ATP4A: variants seen among roughly 807,000 people sequenced by gnomAD.
ATP4A encodes the protein ATPase H+/K+ transporting subunit alpha.
In ATP4A, 73 loss-of-function variants were observed where a neutral mutation model predicts 112.1. The ratio of observed to expected loss-of-function variants is 0.65; its 90% CI spans 0.54 to 0.79. The LOEUF (loss-of-function observed/expected upper bound fraction) is 0.79, where lower values mean the gene tolerates loss of function less well. Ranked by LOEUF, ATP4A falls within the 30% of genes least tolerant of loss-of-function variation. The pLI, the probability that ATP4A is intolerant of heterozygous loss-of-function variation, is 0.00. For synonymous variants in ATP4A, 588 were observed against 588.9 expected (o/e 1.00, Z 0.02); for missense variants, 1,081 against 1,425.9 (o/e 0.76, Z 3.90).
At chr19:35,561,317 C>T (rs955697628) in intron 4 of ATP4A, among the ~76,000 whole-genome samples, 2 of 152,084 alleles carry the variant, frequency 1.3e-5, no homozygotes, top group African/African-American at 4.8e-5. Context: ...CTCCTGTCCC[C>T]ATGGCCTGTA....
chr19:35,559,180 G>A lies in ATP4A; in HGVS notation c.1068C>T (p.Ser356=), dbSNP rs1269407415. The change falls in exon 8 of 22, where the codon TCC becomes TCT. Residue 356 remains serine, a synonymous_variant. Coordinates refer to ENST00000262623, the MANE Select transcript of ATP4A (RefSeq NM_000704.3). The surrounding 1 kb of genome is among the most constrained non-coding windows in gnomAD (Gnocchi z 4.1). ...GLLATVTVCL[S]LTAKRLASKN... is the part of the protein sequence containing the mutation. ...TACTGGCCAGGCGCTTGGCTGTCAG[G>A]GACAGGCAGACCTGGGGAAGGGGTG... 4 of 1,613,842 alleles carry A rather than the reference G, an allele frequency of 2.5e-6. No individual in the cohort carries two copies. Among genetic ancestry groups the A allele is most frequent in the African/African-American group, 1.3e-5 (1 of 74,926 alleles).
At chr19:35,552,132 C>T (rs1054299517) in intron 18 of ATP4A, among the ~76,000 whole-genome samples, 3 of 152,118 alleles carry the variant, frequency 2.0e-5, no homozygotes, top group African/African-American at 7.2e-5. Flanking sequence ...CTGCAACTTC[C>T]GAATCCCAGG....
Position 35,560,663 on chromosome 19 carries a change from G to GGGGGGGGGC in ATP4A, c.535-49_535-48insGCCCCCCCC. 1 of 883,958 alleles carries GGGGGGGGGC rather than the reference G, an allele frequency of 1.1e-6. No homozygotes were observed. Among genetic ancestry groups the GGGGGGGGGC allele is most frequent in the Non-Finnish European group, 1.8e-6 (1 of 561,720 alleles). The allele number at this position is 883,958 out of a possible 1,614,324, so 54.8% of individuals were successfully genotyped here. A position where few individuals can be genotyped will look rare whatever the true frequency, so the allele number is the denominator to read the frequency against. On this transcript the variant is annotated intron_variant, in intron 5 of 21. Transcript: ENST00000262623. This position sits in a 1 kb window ranked among gnomAD's most constrained non-coding sequence, Gnocchi z 5.1. ...TTGAGGTGGACGGGGGTGGGGGTGG[G>GGGGGGGGGC]AGCTGCTGCATGTGGGGAGGTAAAG... is the stretch of plus-strand genomic sequence containing the variant.
At position 35,563,457 on chromosome 19, in the gene ATP4A, T is replaced by C. The variant is rs779215224; in HGVS notation, c.83A>G (p.Lys28Arg). ...ACCCCCGCCACCCGCCTTCTTCTTCTTGCTCATCTTGGCAGCCATGTCCCC... is the reference window on the plus strand; with the variant it reads ...ACCCCCGCCACCCGCCTTCTTCTTCCTGCTCATCTTGGCAGCCATGTCCCC... Reference protein sequence around the residue: ...PGGDMAAKMSKKKKAGGGGGK... With the variant: ...PGGDMAAKMSRKKKAGGGGGK... The change falls in exon 2 of 22, where the codon AAG (lysine) becomes AGG (arginine). Residue 28 changes from lysine (K) to arginine (R), a missense_variant. By Grantham distance (26) the Lys-to-Arg change is conservative. Around this residue, in one of 3 missense-constraint regions of ATP4A, gnomAD observed 850 missense variants for 1,068.2 expected, o/e 0.80. Coordinates refer to ENST00000262623, the MANE Select transcript of ATP4A (RefSeq NM_000704.3). 1.9e-6 allele frequency: 3 copies of C among 1,613,512 alleles called. No homozygotes were observed. The highest frequency in any genetic ancestry group is 4.5e-5 in the East Asian group (2 of 44,798).
At position 35,550,583 on chromosome 19, in the gene ATP4A, A is replaced by T. The variant is rs375199420; in HGVS notation, c.*32T>A. ...GAGCCCTGCCCCCACCTGCTGTGGC[A>T]GTTGCAGGGATGCTTGAAGGCAGTC... On this transcript the variant is annotated 3_prime_UTR_variant, in exon 22 of 22. Coordinates refer to ENST00000262623, the MANE Select transcript of ATP4A (RefSeq NM_000704.3). This position sits in a 1 kb window ranked among gnomAD's most constrained non-coding sequence, Gnocchi z 4.1. 6.2e-7 allele frequency: 1 copy of T among 1,612,990 alleles called. No individual in the cohort carries two copies. Among genetic ancestry groups the T allele is most frequent in the Non-Finnish European group, 8.5e-7 (1 of 1,179,174 alleles).
intron 4 of ATP4A, among the ~76,000 whole-genome samples, chr19:35,562,179 C>A (rs1254431979): frequency 6.6e-6 from 1 of 152,136 alleles, no homozygotes; most frequent in Non-Finnish European, 1.5e-5. Flanking sequence ...TCTTACGTAT[C>A]ACATTGCCAT....
At chr19:35,556,074 G>A (rs181757834) in intron 12 of ATP4A, among the ~76,000 whole-genome samples, 3 of 152,220 alleles carry the variant, frequency 2.0e-5, no homozygotes, top group Admixed American at 2.0e-4. Flanking sequence ...TGAAGGAAAC[G>A]GTGACTCGAT....
Position 35,559,282 on chromosome 19 carries a change from G to A in ATP4A, c.1057-91C>T. 1 of 1,385,016 alleles carries A rather than the reference G, an allele frequency of 7.2e-7. No homozygotes were observed. Among genetic ancestry groups the A allele is most frequent in the Non-Finnish European group, 1.0e-6 (1 of 993,930 alleles). The allele number at this position is 1,385,016 out of a possible 1,614,324, so 85.8% of individuals were successfully genotyped here. A position where few individuals can be genotyped will look rare whatever the true frequency, so the allele number is the denominator to read the frequency against. On this transcript the variant is annotated intron_variant, in intron 7 of 21. Coordinates refer to ENST00000262623, the MANE Select transcript of ATP4A (RefSeq NM_000704.3). The surrounding 1 kb of genome is among the most constrained non-coding windows in gnomAD (Gnocchi z 4.1). ...AAAGAACGGGGAAGGCTTTACCCCA[G>A]CCGCGGGGCTGCGTGTGCAACGTGC...
At position 35,550,490 on chromosome 19, in the gene ATP4A, A is replaced by G. The variant is rs2071595084; in HGVS notation, c.*125T>C. On this transcript the variant is annotated 3_prime_UTR_variant, in exon 22 of 22. Coordinates refer to ENST00000262623, the MANE Select transcript of ATP4A (RefSeq NM_000704.3). The surrounding 1 kb of genome is among the most constrained non-coding windows in gnomAD (Gnocchi z 4.1). The stretch of plus-strand genomic sequence containing the variant: ...AGTTTGGGGTGCCGTGGGCTACAGA[A>G]GCAGATACTGGTGGGGCTGGGACTC... 7.6e-7 allele frequency: 1 copy of G among 1,308,910 alleles called. No individual in the cohort carries two copies. The highest frequency in any genetic ancestry group is 2.0e-5 in the Admixed American group (1 of 49,296). The allele number at this position is 1,308,910 out of a possible 1,614,324, so 81.1% of individuals were successfully genotyped here.
rs1400464817 is a variant in ATP4A, at chr19:35,563,272, T to C, written c.157-4A>G. On this transcript the variant is annotated splice_region_variant and splice_polypyrimidine_tract_variant and intron_variant, in intron 2 of 21. Transcript: ENST00000262623. ...CCACTGACAGCTGGTGGTCGTTCTG[T>C]GTGGTGGGGTGGGGCAGGGTGCTTG... is the stretch of plus-strand genomic sequence containing the variant. The C allele has an allele frequency of 6.2e-7, 1 of 1,614,056 alleles. No individual in the cohort carries two copies. The highest frequency in any genetic ancestry group is 1.7e-5 in the Admixed American group (1 of 60,026).
rs1039004632 is a variant in ATP4A at position 35,558,127 on chromosome 19, C to T, written c.1500+235G>A. On this transcript the variant is annotated intron_variant, in intron 10 of 21. Coordinates refer to ENST00000262623, the MANE Select transcript of ATP4A (RefSeq NM_000704.3). The surrounding 1 kb of genome is among the most constrained non-coding windows in gnomAD (Gnocchi z 5.1). ...TTGGGCTGGGGGCGGATTTGGAGAGCGAGGTGCTCCCCATGGACAGTCCCG... is the reference window on the plus strand; with the variant it reads ...TTGGGCTGGGGGCGGATTTGGAGAGTGAGGTGCTCCCCATGGACAGTCCCG... 4.7e-6 allele frequency: 3 copies of T among 635,316 alleles called. No individual in the cohort carries two copies. Among genetic ancestry groups the T allele is most frequent in the Non-Finnish European group, 2.7e-6 (1 of 375,574 alleles). 39.4% of individuals were successfully genotyped at this position (635,316 alleles called of 1,614,324 possible).
Position 35,563,121 on chromosome 19 carries a change from T to TCTCACTCTCTCCATCTCC in ATP4A, c.216+87_216+88insGGAGATGGAGAGAGTGAG. The stretch of plus-strand genomic sequence containing the variant: ...CTTCCTCTCTTCATCTCTCCCTCTC[T>TCTCACTCTCTCCATCTCC]CTCCCTCTCTCCATCTCCCTCCTTC... On this transcript the variant is annotated intron_variant, in intron 3 of 21. Transcript: ENST00000262623. 4 of 1,419,274 alleles carry TCTCACTCTCTCCATCTCC rather than the reference T, an allele frequency of 2.8e-6. No individual in the cohort carries two copies. The South Asian group carries it at 4.8e-5, about 17-fold the overall frequency. 87.9% of individuals were successfully genotyped at this position (1,419,274 alleles called of 1,614,324 possible).
chr19:35,555,538 A>T lies in ATP4A; in HGVS notation c.2059T>A (p.Ser687Thr), dbSNP rs778214581. ...GTGCGCAGGGCCTCGACCAGTTCCGATGGGTCCATGTCCTTCAGCTGCATG... is the reference window on the plus strand; with the variant it reads ...GTGCGCAGGGCCTCGACCAGTTCCGTTGGGTCCATGTCCTTCAGCTGCATG... ...NGMQLKDMDP[S>T]ELVEALRTHP... The change falls in exon 14 of 22, where the codon TCG becomes ACG. Residue 687 changes from serine to threonine, a missense_variant. Transcript: ENST00000262623. This position sits in a 1 kb window ranked among gnomAD's most constrained non-coding sequence, Gnocchi z 6.6. The T allele has an allele frequency of 1.0e-5, 16 of 1,600,882 alleles. No homozygotes were observed. Among genetic ancestry groups the T allele is most frequent in the Non-Finnish European group, 1.3e-5 (15 of 1,171,266 alleles).
intron 16 of ATP4A, 112 bp downstream of exon 16, chr19:35,554,810 G>C: frequency 6.9e-7 from 1 of 1,453,812 alleles, no homozygotes; most frequent in Non-Finnish European, 9.4e-7. Context: ...CACAGGTCTT[G>C]TCTGTCACTC....
chr19:35,553,042 C>A lies in ATP4A; in HGVS notation c.2746G>T (p.Glu916Ter). 6.3e-7 allele frequency: 1 copy of A among 1,599,342 alleles called. No individual in the cohort carries two copies. The highest frequency in any genetic ancestry group is 8.6e-7 in the Non-Finnish European group (1 of 1,168,454). Reference sequence around the variant, plus strand: ...TGGGGCGGGGCAGGGCTCACCCACTCCTGGCCGTAGCTGTCCTGCAGATCT... The same window carrying A: ...TGGGGCGGGGCAGGGCTCACCCACTACTGGCCGTAGCTGTCCTGCAGATCT... ...LQDLQDSYGQ[E>*]WTFGQRLYQQ... The change falls in exon 18 of 22, where the codon GAG becomes TAG. Residue 916 changes from glutamate (E) to a stop codon, truncating the protein, a stop_gained. Coordinates refer to ENST00000262623, the MANE Select transcript of ATP4A (RefSeq NM_000704.3). LOFTEE classifies it high-confidence loss of function.
chr19:35,557,728 C>T lies in ATP4A; in HGVS notation c.1620G>A (p.Pro540=), dbSNP rs767605450. 3 of 1,607,240 alleles carry T rather than the reference C, an allele frequency of 1.9e-6. No individual in the cohort carries two copies. Among genetic ancestry groups the T allele is most frequent in the East Asian group, 2.2e-5 (1 of 44,696 alleles). Residue 540 remains proline, a synonymous_variant, in exon 11 of 22, where the codon CCG becomes CCA. Coordinates refer to ENST00000262623, the MANE Select transcript of ATP4A (RefSeq NM_000704.3). This position sits in a 1 kb window ranked among gnomAD's most constrained non-coding sequence, Gnocchi z 4.4. ...SSILIKGQEL[P]LDEQWREAFQ... The stretch of plus-strand genomic sequence containing the variant: ...AGGCCTCGCGCCACTGCTCGTCCAG[C>T]GGCAGCTCCTGGCCCTTGATAAGGA...
rs200841236 is a variant in ATP4A, at chr19:35,558,331, G to T, written c.1500+31C>A. On this transcript the variant is annotated intron_variant, in intron 10 of 21. Transcript: ENST00000262623. This position sits in a 1 kb window ranked among gnomAD's most constrained non-coding sequence, Gnocchi z 5.1. ...CTGGGGCGGGGCCCGAGGTGGGCGGGCCCAGGCCGTGGGCGGGGCCGGCTG... is the reference window on the plus strand; with the variant it reads ...CTGGGGCGGGGCCCGAGGTGGGCGGTCCCAGGCCGTGGGCGGGGCCGGCTG... 2.2e-4 allele frequency: 349 copies of T among 1,592,784 alleles called. 1 individual carries two copies. In the African/African-American group the frequency reaches 4.3e-3, roughly 19 times the overall value.
At chr19:35,562,087 C>T (rs891696890) in intron 4 of ATP4A, among the ~76,000 whole-genome samples, 3 of 152,040 alleles carry the variant, frequency 2.0e-5, no homozygotes, top group Non-Finnish European at 4.4e-5. Flanking sequence ...AACTCCTGAC[C>T]TCAGGTGATC....
chr19:35,557,411 T>C lies in ATP4A; in HGVS notation c.1693+244A>G, dbSNP rs1035840338. 2.0e-5 allele frequency among the ~76,000 whole-genome samples: 3 copies of C among 151,962 alleles called. No individual in the cohort carries two copies. The highest frequency in any genetic ancestry group is 4.8e-5 in the African/African-American group (2 of 41,382). On this transcript the variant is annotated intron_variant, in intron 11 of 21. Coordinates refer to ENST00000262623, the MANE Select transcript of ATP4A (RefSeq NM_000704.3). The surrounding 1 kb of genome is among the most constrained non-coding windows in gnomAD (Gnocchi z 4.4). ...GAAGTTTAAGGCGTCAGGACAAAAA[T>C]TGGGAGAGGTTAGAGGTCAGGATAC...
Sources: gnomAD v4.1 joint callset for allele counts (sites outside exome capture counted in the v4.1 genomes callset) on GRCh38, gnomAD v4.1.1 for gene constraint, gnomAD v4.1.1 regional missense constraint, Gnocchi (gnomAD v3.1) non-coding constraint, MANE v1.5 for transcripts, NCBI Gene and HGNC (gene_info 2026-07-23, HGNC 2026-07-21) for gene names.